GPR107: variants seen among roughly 807,000 people sequenced by gnomAD.
GPR107 encodes protein GPR107.
A neutral mutation model predicts 75.5 loss-of-function variants in GPR107; 31 were observed. The ratio of observed to expected loss-of-function variants is 0.41; its 90% CI spans 0.31 to 0.55. GPR107 has a LOEUF of 0.55. GPR107 is among the 20% of genes least tolerant of loss of function. GPR107 has a pLI of 0.26. For synonymous variants in GPR107, 267 were observed against 251.3 expected (o/e 1.06, Z -0.59); for missense variants, 572 against 665.7 (o/e 0.86, Z 1.55).
At chr9:130,055,337 C>CA (rs1829739063) in intron 1 of GPR107, among the ~76,000 whole-genome samples, 1 of 151,642 alleles carries the variant, frequency 6.6e-6, no homozygotes, top group Non-Finnish European at 1.5e-5. Context: ...GGCGTGGTGG[C>CA]AGGCGCCTGC....
intron 8 of GPR107, among the ~76,000 whole-genome samples, chr9:130,091,741 G>A (rs1232705490): frequency 1.3e-5 from 2 of 150,488 alleles, no homozygotes; most frequent in African/African-American, 4.9e-5. Context: ...TGTCACTCAG[G>A]TTGGAGTGCA....
In GPR107 at chr9:130,057,741, T is replaced by C. The variant is rs143029225; in HGVS notation, c.141+3668T>C. Among the ~76,000 whole-genome samples, 31 of 151,964 alleles carry C rather than the reference T, an allele frequency of 2.0e-4. No individual in the cohort carries two copies. In the East Asian group the frequency reaches 6.0e-3, roughly 29 times the overall value. ...TTTATTGTCTTACTCCATGCTACAT[T>C]TTCCACCATTCTTCTGGCTTTCCCA... On this transcript the variant is annotated intron_variant, in intron 1 of 17. Transcript: ENST00000347136.
In GPR107 at chr9:130,136,336, GA is replaced by G. The variant is rs1554899973; in HGVS notation, c.*1219del. 27 of 152,226 alleles carry G rather than the reference GA, an allele frequency of 1.8e-4. No homozygotes were observed. The allele number at this position is 152,226 out of a possible 1,614,324, so 9.4% of individuals were successfully genotyped here. Reference sequence around the variant, plus strand: ...ATTGAGCAGTATTGCAACTCAGAGAGAAAATCATCTGAATAGTAGGACAAGC... The same window carrying G: ...ATTGAGCAGTATTGCAACTCAGAGAGAAATCATCTGAATAGTAGGACAAGC... On this transcript the variant is annotated 3_prime_UTR_variant, in exon 18 of 18. Transcript: ENST00000347136.
intron 14 of GPR107, among the ~76,000 whole-genome samples, chr9:130,116,113 T>C (rs1246574960): frequency 4.6e-5 from 7 of 152,072 alleles, no homozygotes. Flanking sequence ...AAAGCAGAGG[T>C]CTCTCATATC....
At chr9:130,113,872 CATCT>C (rs1831360616) in intron 14 of GPR107, among the ~76,000 whole-genome samples, 2 of 152,166 alleles carry the variant, frequency 1.3e-5, no homozygotes, top group Admixed American at 1.3e-4. Context: ...AAAAGGCCTA[CATCT>C]ATCTGTATGG....
At chr9:130,114,730 C>T (rs985012083) in intron 14 of GPR107, 41 of 1,010,590 alleles carry the variant, frequency 4.1e-5, no homozygotes, top group African/African-American at 1.7e-4. Context: ...TCATACTAAC[C>T]GAAAAACTTG....
chr9:130,126,152 G>A (rs1467055972), intron 15 of GPR107, among the ~76,000 whole-genome samples: 1 of 151,512 alleles, frequency 6.6e-6, no homozygotes, highest in East Asian at 1.9e-4. Context: ...TTTTCCTTAA[G>A]AACAGAAAAG....
At chr9:130,076,995 C>G (rs1830366696) in intron 3 of GPR107, among the ~76,000 whole-genome samples, 2 of 150,836 alleles carry the variant, frequency 1.3e-5, no homozygotes, top group South Asian at 4.2e-4. Flanking sequence ...TCAAGTGATT[C>G]TTCTGCCTCA....
chr9:130,114,524 A>C, intron 14 of GPR107: 1 of 395,996 alleles, frequency 2.5e-6, no homozygotes. Context: ...CTGGAATTAC[A>C]GGCATGCACT....
At chr9:130,115,761 T>C (rs1392597297) in intron 14 of GPR107, among the ~76,000 whole-genome samples, 1 of 77,194 alleles carries the variant, frequency 1.3e-5, no homozygotes, top group African/African-American at 6.0e-5. Flanking sequence ...AGACTCCGTC[T>C]CAAAAAAAAA....
intron 1 of GPR107, among the ~76,000 whole-genome samples, chr9:130,066,413 CGAT>C (rs796295533): frequency 5.1e-4 from 61 of 118,850 alleles, no homozygotes; most frequent in African/African-American, 1.8e-3. Flanking sequence ...ATGATGACGA[CGAT>C]GATGATGATT....
chr9:130,115,337 C>T (rs1265254167), intron 14 of GPR107, among the ~76,000 whole-genome samples: 1 of 152,102 alleles, frequency 6.6e-6, no homozygotes, highest in Non-Finnish European at 1.5e-5. Context: ...TGAGACTTCC[C>T]AGAAGGACTC....
intron 14 of GPR107, among the ~76,000 whole-genome samples, chr9:130,109,456 C>T (rs1831240016): frequency 6.6e-6 from 1 of 152,030 alleles, no homozygotes; most frequent in Admixed American, 6.5e-5. Context: ...CAGATGTGAA[C>T]CACCACGCCC....
At chr9:130,110,772 A>G (rs1164854842) in intron 14 of GPR107, among the ~76,000 whole-genome samples, 4 of 152,074 alleles carry the variant, frequency 2.6e-5, no homozygotes, top group Admixed American at 2.6e-4. Context: ...CTTGCGGGAA[A>G]GCGGGAGTGG....
Position 130,136,746 on chromosome 9 carries a change from A to AT in GPR107, c.*1627dup, listed in dbSNP as rs1323582078. 6.6e-6 allele frequency: 1 copy of AT among 152,236 alleles called. No individual in the cohort carries two copies. Among genetic ancestry groups the AT allele is most frequent in the Non-Finnish European group, 1.5e-5 (1 of 68,072 alleles). 9.4% of individuals were successfully genotyped at this position (152,236 alleles called of 1,614,324 possible). A position where few individuals can be genotyped will look rare whatever the true frequency, so the allele number is the denominator to read the frequency against. ...GCGGGTGTTCTTTTTCTGCACTTTG[A>AT]TTCGCCATCTGGGTTCTGTAGGGTG... is the stretch of plus-strand genomic sequence containing the variant. On this transcript the variant is annotated 3_prime_UTR_variant, in exon 18 of 18. Coordinates refer to ENST00000347136, the MANE Select transcript of GPR107 (RefSeq NM_020960.5).
At chr9:130,104,638 C>A in intron 13 of GPR107, 88 bp downstream of exon 13, 2 of 1,073,956 alleles carry the variant, frequency 1.9e-6, no homozygotes, top group South Asian at 1.3e-5. Context: ...TGATCTCAGT[C>A]ACATGGGACG....
At chr9:130,068,144 A>T (rs1376033591) in intron 1 of GPR107, among the ~76,000 whole-genome samples, 1 of 147,338 alleles carries the variant, frequency 6.8e-6, no homozygotes, top group Non-Finnish European at 1.5e-5. Flanking sequence ...TTTGGATCTG[A>T]TTTTTGTTTT....
chr9:130,104,400 G>A lies in GPR107; in HGVS notation c.1132-20G>A. 2 of 1,612,992 alleles carry A rather than the reference G, an allele frequency of 1.2e-6. No homozygotes were observed. Among genetic ancestry groups the A allele is most frequent in the Non-Finnish European group, 1.7e-6 (2 of 1,179,146 alleles). ...AGTCCACCCATGCTTTGGGGCCTCA[G>A]CAACTTCTCATGTCTGTAGGTCCTG... On this transcript the variant is annotated intron_variant, in intron 12 of 17. Coordinates refer to ENST00000347136, the MANE Select transcript of GPR107 (RefSeq NM_020960.5).
At chr9:130,075,332 C>A (rs1001486335) in intron 1 of GPR107, among the ~76,000 whole-genome samples, 1 of 148,300 alleles carries the variant, frequency 6.7e-6, no homozygotes, top group African/African-American at 2.5e-5. Context: ...GCAACCTCCA[C>A]CTCCCAGGTT....
Sources: allele counts gnomAD v4.1 joint callset (sites outside exome capture counted in the v4.1 genomes callset), GRCh38; gene constraint gnomAD v4.1.1; transcripts MANE v1.5; gene names NCBI Gene and HGNC (gene_info 2026-07-23, HGNC 2026-07-21).